The following MICU2 variants were observed in gnomAD, a reference collection of about 807,000 sequenced individuals.
MICU2 encodes calcium uptake protein 2, mitochondrial.
MICU2 carries 64 observed loss-of-function variants against 60.4 expected under a neutral mutation model. That is an observed-to-expected ratio of 1.06 (90% confidence interval 0.87 to 1.31). The LOEUF is 1.31. Ranked by LOEUF, MICU2 falls within the 50% of genes most tolerant of loss-of-function variation. The probability of loss-of-function intolerance (pLI) is 0.00; values close to 1 mark genes in which losing one functional copy is unlikely to be tolerated. For synonymous variants in MICU2, 201 were observed against 175.0 expected, an observed-to-expected ratio of 1.15 and a Z score of -1.17; for missense variants, 569 against 531.0, an observed-to-expected ratio of 1.07 and a Z score of -0.70.
At chr13:21,596,742 A>T (rs1888702818) in intron 1 of MICU2, among the ~76,000 whole-genome samples, 1 of 152,082 alleles carries the variant, frequency 6.6e-6, no homozygotes, top group South Asian at 2.1e-4. Context: ...AGGTTCTCAT[A>T]GGGCTTACTC....
At chr13:21,531,496 G>A (rs1886998680) in intron 4 of MICU2, among the ~76,000 whole-genome samples, 1 of 152,152 alleles carries the variant, frequency 6.6e-6, no homozygotes, top group Non-Finnish European at 1.5e-5. Flanking sequence ...ACTCAGACTA[G>A]CTGTAAGTAA....
intron 1 of MICU2, among the ~76,000 whole-genome samples, chr13:21,572,636 T>A (rs1469593831): frequency 6.6e-6 from 1 of 152,232 alleles, no homozygotes; most frequent in Non-Finnish European, 1.5e-5. Context: ...AATTTACTTA[T>A]GAATAGTCTG....
chr13:21,597,930 C>CG (rs1555277635), intron 1 of MICU2, among the ~76,000 whole-genome samples: 1 of 84,728 alleles, frequency 1.2e-5, no homozygotes, highest in Non-Finnish European at 2.2e-5. Context: ...GACTCTGTCT[C>CG]AAAAAAAAAA....
intron 7 of MICU2, 42 bp from the exon 8 acceptor site, chr13:21,510,143 G>C: frequency 9.6e-7 from 1 of 1,042,226 alleles, no homozygotes; most frequent in Non-Finnish European, 1.3e-6. Flanking sequence ...TTATAAATAA[G>C]AATAAAAATA....
chr13:21,599,829 G>A (rs929044588), intron 1 of MICU2, among the ~76,000 whole-genome samples: 2 of 152,138 alleles, frequency 1.3e-5, no homozygotes, highest in Non-Finnish European at 2.9e-5. Flanking sequence ...AGTATGATAT[G>A]GTGGCAGGTT....
intron 2 of MICU2, among the ~76,000 whole-genome samples, chr13:21,540,755 C>A (rs999835953): frequency 1.3e-5 from 2 of 152,016 alleles, no homozygotes; most frequent in African/African-American, 2.4e-5. Context: ...CAGCCAAAGA[C>A]AAAGAGCCCC....
chr13:21,546,430 G>A (rs1887421044), intron 2 of MICU2, among the ~76,000 whole-genome samples: 1 of 152,122 alleles, frequency 6.6e-6, no homozygotes, highest in African/African-American at 2.4e-5. Context: ...ATGGGGGAGG[G>A]AGAGGTAAGG....
At chr13:21,519,518 C>T (rs1886663445) in intron 6 of MICU2, among the ~76,000 whole-genome samples, 1 of 152,194 alleles carries the variant, frequency 6.6e-6, no homozygotes, top group South Asian at 2.1e-4. Flanking sequence ...GGCTTCTCAA[C>T]CTCAGTTTGA....
chr13:21,520,822 A>G (rs1886699992), intron 6 of MICU2, among the ~76,000 whole-genome samples: 1 of 152,002 alleles, frequency 6.6e-6, no homozygotes, highest in African/African-American at 2.4e-5. Context: ...CCAATTTATA[A>G]CTATTGCAGC....
chr13:21,573,233 G>A (rs941805822), intron 1 of MICU2, among the ~76,000 whole-genome samples: 4 of 152,092 alleles, frequency 2.6e-5, no homozygotes, highest in African/African-American at 9.7e-5. Context: ...TATACCACAT[G>A]ATGCAAATGC....
chr13:21,517,799 A>ACACACACGCG (rs1244489287), intron 6 of MICU2, among the ~76,000 whole-genome samples: 3 of 136,330 alleles, frequency 2.2e-5, no homozygotes, highest in African/African-American at 9.3e-5. Flanking sequence ...ACACACACAC[A>ACACACACGCG]CGCGCGCGCG....
At chr13:21,561,981 G>C (rs988149771) in intron 2 of MICU2, among the ~76,000 whole-genome samples, 5 of 148,418 alleles carry the variant, frequency 3.4e-5, no homozygotes, top group African/African-American at 1.2e-4. Context: ...TTGTCCTTGC[G>C]ATAGTTTACT....
intron 2 of MICU2, among the ~76,000 whole-genome samples, chr13:21,540,557 A>G (rs1051686915): frequency 3.3e-5 from 5 of 152,190 alleles, no homozygotes; most frequent in Non-Finnish European, 5.9e-5. Flanking sequence ...TTTGGACGAT[A>G]AATCTACAAG....
chr13:21,504,892 C>T (rs962274762), intron 8 of MICU2, among the ~76,000 whole-genome samples: 2 of 152,160 alleles, frequency 1.3e-5, no homozygotes, highest in South Asian at 4.1e-4. Flanking sequence ...TTTCCTGAGA[C>T]AGATGATTGT....
chr13:21,591,164 T>TTTTCCTC (rs1888574076), intron 1 of MICU2, among the ~76,000 whole-genome samples: 1 of 139,100 alleles, frequency 7.2e-6, no homozygotes, highest in Non-Finnish European at 1.6e-5. Context: ...AGGCTCAAAA[T>TTTTCCTC]AAAGGGATGG....
intron 2 of MICU2, among the ~76,000 whole-genome samples, chr13:21,559,398 C>T (rs763377431): frequency 5.3e-5 from 8 of 152,206 alleles, no homozygotes; most frequent in African/African-American, 1.9e-4. Context: ...TCCCACTGCA[C>T]AGGGGCAAAT....
chr13:21,530,704 C>A, intron 4 of MICU2: 1 of 428,380 alleles, frequency 2.3e-6, no homozygotes, highest in Non-Finnish European at 4.2e-6. Context: ...CTGAGGGGGT[C>A]GGGGAGGCTG....
intron 4 of MICU2, among the ~76,000 whole-genome samples, chr13:21,538,570 A>AAAC (rs1204047939): frequency 6.6e-6 from 1 of 151,142 alleles, no homozygotes; most frequent in African/African-American, 2.4e-5. Flanking sequence ...CTCAAAAAAA[A>AAAC]AAAAAAAAAA....
intron 1 of MICU2, among the ~76,000 whole-genome samples, chr13:21,602,084 G>C (rs1190936852): frequency 1.3e-5 from 2 of 150,762 alleles, no homozygotes; most frequent in Non-Finnish European, 3.0e-5. Context: ...ACTCCAGCCT[G>C]GGTGACAGAG....
Sources: gnomAD v4.1 joint callset for allele counts (sites outside exome capture counted in the v4.1 genomes callset) on GRCh38, gnomAD v4.1.1 for gene constraint, MANE v1.5 for transcripts, NCBI Gene and HGNC (gene_info 2026-07-23, HGNC 2026-07-21) for gene names.